Variants in GRM1 observed in about 807,000 individuals in gnomAD.
The protein encoded by GRM1 is metabotropic glutamate receptor 1.
A neutral mutation model predicts 90.9 loss-of-function variants in GRM1; 33 were observed. The ratio of observed to expected loss-of-function variants is 0.36; its 90% CI spans 0.28 to 0.49. The LOEUF is 0.49. Among genes scored for constraint, GRM1 ranks in the 20% least tolerant of loss-of-function variants. The pLI, the probability that GRM1 is intolerant of heterozygous loss-of-function variation, is 0.99. For synonymous variants in GRM1, 700 were observed against 613.2 expected (o/e 1.14, Z -2.09); for missense variants, 1,190 against 1,534.3 (o/e 0.78, Z 3.75).
chr6:146,124,979 A>G (rs1429031544), intron 1 of GRM1, among the ~76,000 whole-genome samples: 1 of 152,194 alleles, frequency 6.6e-6, no homozygotes, highest in Admixed American at 6.5e-5. Context: ...TGTGTTAATT[A>G]TGAAATGCTA....
At chr6:146,270,881 CTT>C (rs1290813969) in intron 2 of GRM1, among the ~76,000 whole-genome samples, 1 of 98,100 alleles carries the variant, frequency 1.0e-5, no homozygotes, top group African/African-American at 5.1e-5. Flanking sequence ...TTCTTTCTTT[CTT>C]TCTTTCTTTC....
chr6:146,227,063 A>G, intron 2 of GRM1, among the ~76,000 whole-genome samples: 1 of 152,126 alleles, frequency 6.6e-6, no homozygotes, highest in East Asian at 1.9e-4. Flanking sequence ...TTATTATATC[A>G]TTTCACTAAA....
At chr6:146,138,272 G>A (rs957676726) in intron 1 of GRM1, among the ~76,000 whole-genome samples, 1 of 151,966 alleles carries the variant, frequency 6.6e-6, no homozygotes, top group Non-Finnish European at 1.5e-5. Flanking sequence ...TTCCCCATCA[G>A]TATGATACTA....
chr6:146,127,303 G>T (rs147293816), intron 1 of GRM1, among the ~76,000 whole-genome samples: 1 of 152,266 alleles, frequency 6.6e-6, no homozygotes, highest in African/African-American at 2.4e-5. Flanking sequence ...TCAGGTGATG[G>T]CCTCATCAGT....
intron 1 of GRM1, among the ~76,000 whole-genome samples, chr6:146,091,255 G>A (rs780686613): frequency 6.6e-6 from 1 of 152,134 alleles, no homozygotes; most frequent in Non-Finnish European, 1.5e-5. Context: ...TTGGGCTAGT[G>A]TAGGCAAGGA....
intron 1 of GRM1, among the ~76,000 whole-genome samples, chr6:146,130,238 TCCC>T (rs1776346423): frequency 7.8e-6 from 1 of 128,396 alleles, no homozygotes; most frequent in African/African-American, 2.9e-5. Flanking sequence ...TTTCCCTCCC[TCCC>T]TCCCTCCCTC....
intron 2 of GRM1, among the ~76,000 whole-genome samples, chr6:146,161,690 A>G (rs1777734143): frequency 6.6e-6 from 1 of 152,170 alleles, no homozygotes; most frequent in Non-Finnish European, 1.5e-5. Context: ...AAGCTATACC[A>G]TACTCTTTGC....
chr6:146,095,912 C>T (rs1323721155), intron 1 of GRM1, among the ~76,000 whole-genome samples: 1 of 152,150 alleles, frequency 6.6e-6, no homozygotes, highest in Non-Finnish European at 1.5e-5. Flanking sequence ...TGATGGTTAA[C>T]TTGACTCCTC....
chr6:146,121,149 T>C (rs1408994360), intron 1 of GRM1, among the ~76,000 whole-genome samples: 1 of 152,200 alleles, frequency 6.6e-6, no homozygotes, highest in Non-Finnish European at 1.5e-5. Context: ...TTCAACTTCT[T>C]CCTGGGTTAG....
intron 2 of GRM1, among the ~76,000 whole-genome samples, chr6:146,195,160 T>C (rs1779072613): frequency 1.3e-5 from 2 of 152,134 alleles, no homozygotes; most frequent in South Asian, 4.1e-4. Context: ...TTACAGATAG[T>C]AGGTGAAATG....
At chr6:146,099,138 C>A (rs566450343) in intron 1 of GRM1, among the ~76,000 whole-genome samples, 1 of 152,256 alleles carries the variant, frequency 6.6e-6, no homozygotes, top group South Asian at 2.1e-4. Flanking sequence ...GTAATCCCAG[C>A]ACTTTGGGAG....
At chr6:146,232,872 T>C (rs1252569850) in intron 2 of GRM1, among the ~76,000 whole-genome samples, 1 of 152,046 alleles carries the variant, frequency 6.6e-6, no homozygotes. Context: ...ATTCAAGGAA[T>C]TTGTCTACTT....
intron 1 of GRM1, among the ~76,000 whole-genome samples, chr6:146,042,480 G>T (rs1791150058): frequency 6.6e-6 from 1 of 152,032 alleles, no homozygotes; most frequent in Admixed American, 6.6e-5. Flanking sequence ...AAGCAAGGTT[G>T]CTGAGGAGCC....
intron 2 of GRM1, among the ~76,000 whole-genome samples, chr6:146,218,206 A>T (rs1779940873): frequency 6.6e-6 from 1 of 152,088 alleles, no homozygotes; most frequent in South Asian, 2.1e-4. Flanking sequence ...GTTGTGAAAA[A>T]CTTAGCATGA....
At chr6:146,296,198 A>G (rs1481536806) in intron 2 of GRM1, among the ~76,000 whole-genome samples, 1 of 152,154 alleles carries the variant, frequency 6.6e-6, no homozygotes, top group Non-Finnish European at 1.5e-5. Flanking sequence ...ATGTGTCTTT[A>G]TGGTAGAATG....
chr6:146,253,252 G>C (rs1439847850), intron 2 of GRM1, among the ~76,000 whole-genome samples: 1 of 152,138 alleles, frequency 6.6e-6, no homozygotes, highest in East Asian at 1.9e-4. Context: ...AGAGATTTAA[G>C]TTAAAAGCAT....
intron 2 of GRM1, among the ~76,000 whole-genome samples, chr6:146,190,028 G>A (rs757245967): frequency 7.9e-5 from 12 of 152,288 alleles, no homozygotes; most frequent in Admixed American, 2.6e-4. Context: ...ATAGGGCCTT[G>A]GAGTTGTTGA....
intron 2 of GRM1, among the ~76,000 whole-genome samples, chr6:146,230,144 C>T (rs886524000): frequency 1.3e-5 from 2 of 152,160 alleles, no homozygotes; most frequent in Non-Finnish European, 2.9e-5. Context: ...GTTTACAACA[C>T]TTTGCATACA....
At chr6:146,143,205 C>G (rs950977357) in intron 1 of GRM1, among the ~76,000 whole-genome samples, 1 of 152,174 alleles carries the variant, frequency 6.6e-6, no homozygotes, top group African/African-American at 2.4e-5. Flanking sequence ...TCCTCACGTT[C>G]TTTGAATTAA....
Sources: gnomAD v4.1 joint callset for allele counts (sites outside exome capture counted in the v4.1 genomes callset) on GRCh38, gnomAD v4.1.1 for gene constraint, MANE v1.5 for transcripts, NCBI Gene and HGNC (gene_info 2026-07-23, HGNC 2026-07-21) for gene names.